DOCK6: variants seen among roughly 807,000 people sequenced by gnomAD.
DOCK6 encodes dedicator of cytokinesis 6.
In DOCK6, 167 loss-of-function variants were observed where a neutral mutation model predicts 230.3. The observed-to-expected ratio is 0.73, with a 90% CI of 0.64 to 0.82. The LOEUF is 0.82. DOCK6 is among the 40% of genes least tolerant of loss of function. The pLI is 0.00. For missense variants in DOCK6, 2,598 were observed against 2,825.8 expected (o/e 0.92, Z 1.83); for synonymous variants, 1,148 against 1,185.0 (o/e 0.97, Z 0.64).
chr19:11,238,520 A>C, intron 14 of DOCK6: 1 of 567,650 alleles, frequency 1.8e-6, no homozygotes, highest in Non-Finnish European at 3.2e-6. Flanking sequence ...GCACCCTAAA[A>C]ACACAGATTG....
intron 37 of DOCK6, 122 bp from the exon 38 acceptor site, chr19:11,209,225 C>T (rs2079320458): frequency 1.3e-5 from 15 of 1,123,816 alleles, no homozygotes; most frequent in Non-Finnish European, 1.8e-5. Context: ...AGCCAATCTC[C>T]TCACCTGTAC....
rs768791989 is a variant in DOCK6, at chr19:11,201,055, G to C, written c.5689-3C>G. 6.2e-7 allele frequency: 1 copy of C among 1,613,410 alleles called. No homozygotes were observed. The highest frequency in any genetic ancestry group is 8.5e-7 in the Non-Finnish European group (1 of 1,179,822). On this transcript the variant is annotated splice_polypyrimidine_tract_variant and splice_region_variant and intron_variant, in intron 44 of 47. Coordinates refer to ENST00000294618, the MANE Select transcript of DOCK6 (RefSeq NM_020812.4). The surrounding 1 kb of genome is among the most constrained non-coding windows in gnomAD (Gnocchi z 4.3). ...ACCTCCACTGGCGTCAGCACCGTCT[G>C]TGGGGTAAGGGGAGGGGTGTGTACT... is the stretch of plus-strand genomic sequence containing the variant.
chr19:11,204,496 T>C (rs970611292), intron 39 of DOCK6, among the ~76,000 whole-genome samples, 165 bp from the exon 40 acceptor site: 1 of 151,962 alleles, frequency 6.6e-6, no homozygotes, highest in African/African-American at 2.4e-5. Flanking sequence ...GTTGAGCCTT[T>C]CCACTCAGCT....
chr19:11,240,179 G>T, intron 14 of DOCK6: 1 of 1,553,526 alleles, frequency 6.4e-7, no homozygotes. Flanking sequence ...CCACAGCTGA[G>T]GTGCTGGGGG....
At chr19:11,216,802 A>G in intron 30 of DOCK6, 112 bp downstream of exon 30, 1 of 1,081,312 alleles carries the variant, frequency 9.2e-7, no homozygotes, top group Non-Finnish European at 1.4e-6. Flanking sequence ...AGTCCCACAG[A>G]GTCCTCTGCA....
chr19:11,209,241 C>A (rs1308742271), intron 37 of DOCK6, 138 bp from the exon 38 acceptor site: 1 of 978,740 alleles, frequency 1.0e-6, no homozygotes, highest in Non-Finnish European at 1.5e-6. Context: ...TGTACCCCAT[C>A]CCCTCACTCA....
chr19:11,237,496 A>G lies in DOCK6; in HGVS notation c.2033T>C (p.Val678Ala), dbSNP rs779499777. The G allele has an allele frequency of 1.9e-6, 3 of 1,613,328 alleles. No individual in the cohort carries two copies. The highest frequency in any genetic ancestry group is 2.5e-6 in the Non-Finnish European group (3 of 1,179,776). The change falls in exon 18 of 48, where the codon GTG (valine) becomes GCG (alanine). Residue 678 changes from valine to alanine, a missense_variant. Val to Ala is a moderately conservative substitution (Grantham distance 64). Transcript: ENST00000294618. The part of the protein sequence containing the change: ...RTGPFCLPVS[V>A]DQPPPSYSVL... ...GGAATAGCTGGGCGGCGGCTGGTCC[A>G]CAGACACTGGGAGACAGAAGGGGCC... is the stretch of plus-strand genomic sequence containing the variant.
rs1359770800 is a variant in DOCK6, at chr19:11,259,794, G to A, written c.44+2603C>T. 2.6e-5 allele frequency among the ~76,000 whole-genome samples: 4 copies of A among 151,108 alleles called. No homozygotes were observed. The East Asian group carries it at 7.8e-4, about 30-fold the overall frequency. On this transcript the variant is annotated intron_variant, in intron 1 of 47. Coordinates refer to ENST00000294618, the MANE Select transcript of DOCK6 (RefSeq NM_020812.4). ...GACGGAGTTTCACCATGTTGGCCAG[G>A]CTGGTCTCGAACTCCTGACCTCAGG...
At position 11,242,109 on chromosome 19, in the gene DOCK6, G is replaced by A. The variant is rs769092830; in HGVS notation, c.1579C>T (p.Arg527Trp). 1.2e-5 allele frequency: 18 copies of A among 1,519,378 alleles called. No individual in the cohort carries two copies. In the Admixed American group the frequency reaches 1.7e-4, roughly 14 times the overall value. The allele number at this position is 1,519,378 out of a possible 1,614,324, so 94.1% of individuals were successfully genotyped here. A position where few individuals can be genotyped will look rare whatever the true frequency, so the allele number is the denominator to read the frequency against. The change falls in exon 14 of 48, where the codon CGG (arginine) becomes TGG (tryptophan). Residue 527 changes from arginine (R) to tryptophan (W), a missense_variant. Coordinates refer to ENST00000294618, the MANE Select transcript of DOCK6 (RefSeq NM_020812.4). The stretch of plus-strand genomic sequence containing the variant: ...AACTCCAGAATCTCCTTGGTGGGCC[G>A]GCCCCTGGGGTCCGGGTAGGGCTTG... ...HIKPYPDPRG[R>W]PTKEILEFPA...
At chr19:11,239,664 C>G (rs892066) in intron 14 of DOCK6, 285,176 of 1,613,544 alleles carry the variant, frequency 0.18, 40,242 homozygotes, top group African/African-American at 0.73. Context: ...TGTGCCTGCT[C>G]TGGGCCCTGG....
Position 11,241,713 on chromosome 19 carries a change from A to C in DOCK6, c.1643+332T>G, listed in dbSNP as rs949750207. 56 of 1,576,240 alleles carry C rather than the reference A, an allele frequency of 3.6e-5. No homozygotes were observed. In the Admixed American group the frequency reaches 7.9e-4, roughly 22 times the overall value. ...ATCTGCCTGGATGGAACTGAGGACC[A>C]ATCATGCTGCAAGGAACACTTCCAC... On this transcript the variant is annotated intron_variant, in intron 14 of 47. Transcript: ENST00000294618.
rs1199882913 is a variant in DOCK6 at position 11,236,423 on chromosome 19, A to G, written c.2315T>C (p.Leu772Pro). The G allele has an allele frequency of 4.4e-6, 7 of 1,589,720 alleles. No individual in the cohort carries two copies. Among genetic ancestry groups the G allele is most frequent in the Admixed American group, 1.8e-5 (1 of 56,176 alleles). Residue 772 changes from leucine to proline, a missense_variant, in exon 20 of 48, where the codon CTT becomes CCT. Transcript: ENST00000294618. This position sits in a 1 kb window ranked among gnomAD's most constrained non-coding sequence, Gnocchi z 5.2. Reference sequence around the variant, plus strand: ...CAGCACGTGGTGGGAGAAGGCCACAAGGGGTTCGGGGCTGGCCAGGCGCAG... The same window carrying G: ...CAGCACGTGGTGGGAGAAGGCCACAGGGGGTTCGGGGCTGGCCAGGCGCAG... ...AALRLASPEPLVAFSHHVLDK... is the reference protein window; with the variant it reads ...AALRLASPEPPVAFSHHVLDK...
At chr19:11,249,457 G>A (rs2080083662) in intron 6 of DOCK6, among the ~76,000 whole-genome samples, 1 of 152,040 alleles carries the variant, frequency 6.6e-6, no homozygotes, top group South Asian at 2.1e-4. Context: ...GTTGCAGTGA[G>A]CTGAGATGGC....
At chr19:11,226,003 A>C (rs2079658574) in intron 24 of DOCK6, among the ~76,000 whole-genome samples, 1 of 151,980 alleles carries the variant, frequency 6.6e-6, no homozygotes, top group South Asian at 2.1e-4. Flanking sequence ...TGATCGCACC[A>C]CTGCGCTCCA....
At chr19:11,257,339 C>A (rs543146406) in intron 1 of DOCK6, among the ~76,000 whole-genome samples, 1 of 149,080 alleles carries the variant, frequency 6.7e-6, no homozygotes, top group East Asian at 2.0e-4. Flanking sequence ...AGATGGCAAC[C>A]ATGAGTGTCA....
rs575467196 is a variant in DOCK6, at chr19:11,200,361, G to A, written c.6048C>T (p.Pro2016=). The A allele has an allele frequency of 2.5e-6, 4 of 1,587,794 alleles. No individual in the cohort carries two copies. Among genetic ancestry groups the A allele is most frequent in the East Asian group, 2.3e-5 (1 of 43,414 alleles). The part of the protein sequence containing the change: ...NYCRLREALQ[P]LLTQRLPQLM... Reference sequence around the variant, plus strand: ...GCTGGGGCAGGCGCTGGGTAAGCAGGGGCTGCAGAGCCTCCCGCAGGCGGC... The same window carrying A: ...GCTGGGGCAGGCGCTGGGTAAGCAGAGGCTGCAGAGCCTCCCGCAGGCGGC... Residue 2016 remains proline (P), a synonymous_variant, in exon 47 of 48, where the codon CCC becomes CCT. Coordinates refer to ENST00000294618, the MANE Select transcript of DOCK6 (RefSeq NM_020812.4). This position sits in a 1 kb window ranked among gnomAD's most constrained non-coding sequence, Gnocchi z 4.3.
At chr19:11,210,531 C>T (rs1195555911) in intron 37 of DOCK6, among the ~76,000 whole-genome samples, 1 of 142,844 alleles carries the variant, frequency 7.0e-6, no homozygotes, top group East Asian at 2.3e-4. Flanking sequence ...TCCATCCCTT[C>T]ACCTGCCCAT....
intron 6 of DOCK6, 80 bp downstream of exon 6, chr19:11,250,794 G>T: frequency 1.5e-6 from 2 of 1,376,304 alleles, no homozygotes; most frequent in Non-Finnish European, 2.0e-6. Context: ...TCCATCTATA[G>T]AAGCTATTGA....
chr19:11,201,553 C>G lies in DOCK6; in HGVS notation c.5688+336G>C, dbSNP rs1432419187. Among the ~76,000 whole-genome samples the G allele has an allele frequency of 1.3e-5, 2 of 151,798 alleles. No homozygotes were observed. Among genetic ancestry groups the G allele is most frequent in the Non-Finnish European group, 2.9e-5 (2 of 67,894 alleles). On this transcript the variant is annotated intron_variant, in intron 44 of 47. Coordinates refer to ENST00000294618, the MANE Select transcript of DOCK6 (RefSeq NM_020812.4). The surrounding 1 kb of genome is among the most constrained non-coding windows in gnomAD (Gnocchi z 4.3). ...GCAGGGTCTCCATATCTTCTCAGCC[C>G]AGTTCTGGGGTACCTGGGCCTCTTC...
Sources: gnomAD v4.1 joint callset for allele counts (sites outside exome capture counted in the v4.1 genomes callset) on GRCh38, gnomAD v4.1.1 for gene constraint, Gnocchi (gnomAD v3.1) non-coding constraint, MANE v1.5 for transcripts, NCBI Gene and HGNC (gene_info 2026-07-23, HGNC 2026-07-21) for gene names.